PIEZO2: variants seen among roughly 807,000 people sequenced by gnomAD.
The protein encoded by PIEZO2 is piezo-type mechanosensitive ion channel component 2.
Under a neutral mutation model 337.3 loss-of-function variants are expected in PIEZO2, and 172 were observed. The observed-to-expected ratio is 0.51, with a 90% CI of 0.45 to 0.58. The LOEUF (loss-of-function observed/expected upper bound fraction) is 0.58, where lower values mean the gene tolerates loss of function less well. PIEZO2 is among the 20% of genes least tolerant of loss of function. The pLI is 0.00. For synonymous variants in PIEZO2, 1,251 were observed against 1,228.5 expected (o/e 1.02, Z -0.38); for missense variants, 3,028 against 3,391.3 (o/e 0.89, Z 2.66).
rs918110451 is a variant in PIEZO2, at chr18:11,028,551, G to A, written c.160+37576C>T. Among the ~76,000 whole-genome samples, 5 of 152,258 alleles carry A rather than the reference G, an allele frequency of 3.3e-5. No homozygotes were observed. Among genetic ancestry groups the A allele is most frequent in the East Asian group, 3.9e-4 (2 of 5,174 alleles). ...GCTGGGATTACAGGTGTGAGCTACC[G>A]CACCCAGTCTATACGTGGCCATCTT... On this transcript the variant is annotated intron_variant, in intron 2 of 55. Coordinates refer to ENST00000674853, the MANE Select transcript of PIEZO2 (RefSeq NM_001378183.1). The surrounding 1 kb of genome is among the most constrained non-coding windows in gnomAD (Gnocchi z 4.8).
At chr18:10,714,163 C>T (rs915125782) in intron 39 of PIEZO2, among the ~76,000 whole-genome samples, 2 of 152,104 alleles carry the variant, frequency 1.3e-5, no homozygotes, top group African/African-American at 4.8e-5. Flanking sequence ...TAATAGCATG[C>T]ATCTCGTAGG....
chr18:10,811,618 A>G (rs1481653248), intron 7 of PIEZO2, among the ~76,000 whole-genome samples: 1 of 152,224 alleles, frequency 6.6e-6, no homozygotes, highest in Non-Finnish European at 1.5e-5. Context: ...CCATGATTTT[A>G]GTGCCCCACT....
chr18:10,989,267 G>A (rs2035000675), intron 2 of PIEZO2, among the ~76,000 whole-genome samples: 1 of 151,800 alleles, frequency 6.6e-6, no homozygotes, highest in Non-Finnish European at 1.5e-5. Context: ...CAATAAATCA[G>A]TTTTAAAAAG....
chr18:10,677,690 T>G lies in PIEZO2; in HGVS notation c.8081+57A>C. On this transcript the variant is annotated intron_variant, in intron 53 of 55. Coordinates refer to ENST00000674853, the MANE Select transcript of PIEZO2 (RefSeq NM_001378183.1). This position sits in a 1 kb window ranked among gnomAD's most constrained non-coding sequence, Gnocchi z 4.1. ...TACACATGAATCTGTAGATGGACAT[T>G]TTGTACCAGCTGCATATACCTAACA... 1 of 1,560,190 alleles carries G rather than the reference T, an allele frequency of 6.4e-7. No individual in the cohort carries two copies. Among genetic ancestry groups the G allele is most frequent in the East Asian group, 2.3e-5 (1 of 44,360 alleles).
rs1023412741 is a variant in PIEZO2, at chr18:10,783,903, G to T, written c.2492+881C>A. Among the ~76,000 whole-genome samples the T allele has an allele frequency of 6.6e-6, 1 of 152,194 alleles. No homozygotes were observed. Among genetic ancestry groups the T allele is most frequent in the Non-Finnish European group, 1.5e-5 (1 of 68,030 alleles). The stretch of plus-strand genomic sequence containing the variant: ...TGGCATTTTACGAAATGCATATCAT[G>T]AACTCCTACTTCATCTTCTATTGAT... On this transcript the variant is annotated intron_variant, in intron 17 of 55. Transcript: ENST00000674853. This position sits in a 1 kb window ranked among gnomAD's most constrained non-coding sequence, Gnocchi z 4.3.
rs540674413 is a variant in PIEZO2 at position 10,834,806 on chromosome 18, C to T, written c.917+20547G>A. Among the ~76,000 whole-genome samples, 77 of 152,320 alleles carry T rather than the reference C, an allele frequency of 5.1e-4. 3 individuals carry two copies. In the South Asian group the frequency reaches 0.012, roughly 23 times the overall value. On this transcript the variant is annotated intron_variant, in intron 7 of 55. Coordinates refer to ENST00000674853, the MANE Select transcript of PIEZO2 (RefSeq NM_001378183.1). The surrounding 1 kb of genome is among the most constrained non-coding windows in gnomAD (Gnocchi z 4.5). ...AGGCTCTTCCTTTAAGTTTCTTCCC[C>T]GCTAGCTTTCACAAGAAACTCCAGT...
chr18:10,919,890 G>A (rs942398773), intron 3 of PIEZO2, among the ~76,000 whole-genome samples: 1 of 152,030 alleles, frequency 6.6e-6, no homozygotes, highest in Non-Finnish European at 1.5e-5. Context: ...TGAGTTACTA[G>A]TAAAAATCCC....
Position 11,148,630 on chromosome 18 carries a change from G to C in PIEZO2, c.-42C>G. The C allele has an allele frequency of 6.5e-7, 1 of 1,532,598 alleles. No individual in the cohort carries two copies. Among genetic ancestry groups the C allele is most frequent in the Non-Finnish European group, 8.7e-7 (1 of 1,143,246 alleles). The allele number at this position is 1,532,598 out of a possible 1,614,324, so 94.9% of individuals were successfully genotyped here. A position where few individuals can be genotyped will look rare whatever the true frequency, so the allele number is the denominator to read the frequency against. Reference sequence around the variant, plus strand: ...GTCGGAGCAGAGGGGCGAGGCTCGAGGGTCCCTAGGGGTGGTGGGACGCAA... The same window carrying C: ...GTCGGAGCAGAGGGGCGAGGCTCGACGGTCCCTAGGGGTGGTGGGACGCAA... On this transcript the variant is annotated 5_prime_UTR_variant, in exon 1 of 56. Transcript: ENST00000674853. This position sits in a 1 kb window ranked among gnomAD's most constrained non-coding sequence, Gnocchi z 5.2.
intron 2 of PIEZO2, among the ~76,000 whole-genome samples, chr18:11,061,208 C>T (rs541108944): frequency 6.6e-6 from 1 of 151,940 alleles, no homozygotes; most frequent in East Asian, 1.9e-4. Context: ...TTCAACAACC[C>T]TTCATGCTAA....
intron 36 of PIEZO2, among the ~76,000 whole-genome samples, chr18:10,719,794 T>G (rs899138523): frequency 6.6e-6 from 1 of 152,198 alleles, no homozygotes; most frequent in African/African-American, 2.4e-5. Flanking sequence ...AGGTTTTAAT[T>G]TTATTTATTT....
intron 35 of PIEZO2, among the ~76,000 whole-genome samples, 185 bp from the exon 36 acceptor site, chr18:10,731,706 T>C (rs1483999934): frequency 6.6e-6 from 1 of 151,982 alleles, no homozygotes. Flanking sequence ...GTTGTAGTAA[T>C]ATATTTCATC....
rs1214999139 is a variant in PIEZO2 at position 11,105,516 on chromosome 18, C to G, written c.65-39294G>C. ...CCCAGCACAGCTTATCTCATTCTCT[C>G]CTGCTTGTTATGAGCTCAGAAAGCT... On this transcript the variant is annotated intron_variant, in intron 1 of 55. Coordinates refer to ENST00000674853, the MANE Select transcript of PIEZO2 (RefSeq NM_001378183.1). The surrounding 1 kb of genome is among the most constrained non-coding windows in gnomAD (Gnocchi z 4.3). Among the ~76,000 whole-genome samples the G allele has an allele frequency of 6.6e-6, 1 of 152,026 alleles. No individual in the cohort carries two copies. The highest frequency in any genetic ancestry group is 6.6e-5 in the Admixed American group (1 of 15,266).
intron 2 of PIEZO2, among the ~76,000 whole-genome samples, chr18:10,984,724 TAC>T (rs1428481710): frequency 6.6e-6 from 1 of 152,012 alleles, no homozygotes; most frequent in African/African-American, 2.4e-5. Context: ...GAAACAAACA[TAC>T]AGATCCAGGA....
At chr18:10,957,588 G>T (rs989973747) in intron 3 of PIEZO2, among the ~76,000 whole-genome samples, 4 of 152,012 alleles carry the variant, frequency 2.6e-5, no homozygotes, top group Non-Finnish European at 5.9e-5. Flanking sequence ...TAAGGAAAAA[G>T]CTCCACATTA....
chr18:11,121,188 G>T (rs928325599), intron 1 of PIEZO2, among the ~76,000 whole-genome samples: 1 of 152,162 alleles, frequency 6.6e-6, no homozygotes. Context: ...GGAGGTGGAG[G>T]TTGCAGTGAG....
intron 27 of PIEZO2, among the ~76,000 whole-genome samples, chr18:10,757,254 T>C (rs1291448102): frequency 7.3e-6 from 1 of 136,922 alleles, no homozygotes; most frequent in Non-Finnish European, 1.6e-5. Context: ...GGATGTGCTA[T>C]GGGGATGAAT....
intron 1 of PIEZO2, among the ~76,000 whole-genome samples, chr18:11,120,580 G>T (rs2040003493): frequency 6.6e-6 from 1 of 152,184 alleles, no homozygotes; most frequent in Non-Finnish European, 1.5e-5. Flanking sequence ...ACACACCATG[G>T]AGTTAAAGGA....
At chr18:11,137,223 T>C (rs1449805503) in intron 1 of PIEZO2, among the ~76,000 whole-genome samples, 4 of 152,128 alleles carry the variant, frequency 2.6e-5, no homozygotes, top group Non-Finnish European at 4.4e-5. Flanking sequence ...CTGAACCACA[T>C]CTCTAACATG....
chr18:10,906,654 G>A lies in PIEZO2; in HGVS notation c.329+4532C>T, dbSNP rs962073699. On this transcript the variant is annotated intron_variant, in intron 4 of 55. Coordinates refer to ENST00000674853, the MANE Select transcript of PIEZO2 (RefSeq NM_001378183.1). ...GGGCTCACTGCAACCTCCGCCTCCT[G>A]GGTTCAAGCAATTCTGCTGCTTCAG... Among the ~76,000 whole-genome samples the A allele has an allele frequency of 3.8e-4, 58 of 152,016 alleles. 4 individuals carry two copies.
Sources: allele counts gnomAD v4.1 joint callset (sites outside exome capture counted in the v4.1 genomes callset), GRCh38; gene constraint gnomAD v4.1.1; non-coding constraint Gnocchi (gnomAD v3.1); transcripts MANE v1.5; gene names NCBI Gene and HGNC (gene_info 2026-07-23, HGNC 2026-07-21).